CCDC178: variants seen among roughly 807,000 people sequenced by gnomAD.
CCDC178 encodes coiled-coil domain containing 178, also known as coiled-coil domain-containing protein 178.
Under a neutral mutation model 117.4 loss-of-function variants are expected in CCDC178, and 126 were observed. That is an observed-to-expected ratio of 1.07 (90% CI 0.93 to 1.24). The LOEUF is 1.24. Ranked by LOEUF, CCDC178 falls within the 50% of genes most tolerant of loss-of-function variation. The pLI, the probability that CCDC178 is intolerant of heterozygous loss-of-function variation, is 0.00. For missense variants in CCDC178, 1,030 were observed against 986.9 expected (o/e 1.04, Z -0.59); for synonymous variants, 283 against 313.4 (o/e 0.90, Z 1.02).
At chr18:33,011,532 C>T (rs926879956) in intron 21 of CCDC178, among the ~76,000 whole-genome samples, 4 of 151,802 alleles carry the variant, frequency 2.6e-5, no homozygotes, top group East Asian at 1.9e-4. Flanking sequence ...TCTCAGCATT[C>T]GCTCCCACAC....
intron 14 of CCDC178, among the ~76,000 whole-genome samples, chr18:33,266,348 G>T (rs1378107285): frequency 6.6e-6 from 1 of 151,704 alleles, no homozygotes; most frequent in Non-Finnish European, 1.5e-5. Context: ...CAAAATTGTA[G>T]TATATATAGG....
At chr18:33,287,861 G>C (rs898158095) in intron 12 of CCDC178, among the ~76,000 whole-genome samples, 1 of 152,122 alleles carries the variant, frequency 6.6e-6, no homozygotes, top group Non-Finnish European at 1.5e-5. Context: ...ATTCATTTTA[G>C]AGATGATCAA....
rs2063474279 is a variant in CCDC178, at chr18:33,384,648, T to C, written c.208+4892A>G. Among the ~76,000 whole-genome samples the C allele has an allele frequency of 2.6e-5, 4 of 152,134 alleles. No homozygotes were observed. In the South Asian group the frequency reaches 8.3e-4, roughly 32 times the overall value. On this transcript the variant is annotated intron_variant, in intron 5 of 22. Transcript: ENST00000383096. ...AGTGAAGGAGAAATAAAATCTTTTTTAGACAAGCAACTGCTGAGGAATTTT... is the reference window on the plus strand; with the variant it reads ...AGTGAAGGAGAAATAAAATCTTTTTCAGACAAGCAACTGCTGAGGAATTTT...
At chr18:33,358,549 T>C (rs1057071466) in intron 6 of CCDC178, among the ~76,000 whole-genome samples, 5 of 151,870 alleles carry the variant, frequency 3.3e-5, no homozygotes, top group African/African-American at 9.7e-5. Context: ...ATGACTGGAT[T>C]TGAAATAAAA....
intron 20 of CCDC178, among the ~76,000 whole-genome samples, chr18:33,127,585 G>A (rs796913789): frequency 1.2e-4 from 19 of 152,088 alleles, no homozygotes; most frequent in African/African-American, 4.3e-4. Context: ...ACAGGTACCT[G>A]CCACCGCGCC....
intron 21 of CCDC178, among the ~76,000 whole-genome samples, chr18:33,074,660 TG>T (rs1313639057): frequency 1.3e-5 from 2 of 152,238 alleles, no homozygotes; most frequent in East Asian, 3.9e-4. Context: ...CATGGTGTCA[TG>T]GCTAAGGGAG....
chr18:33,308,407 C>A (rs1006310853), intron 11 of CCDC178, among the ~76,000 whole-genome samples: 2 of 152,110 alleles, frequency 1.3e-5, no homozygotes, highest in African/African-American at 4.8e-5. Flanking sequence ...AATGCTTGTA[C>A]CCCCATTGTG....
chr18:33,067,429 T>A (rs1258042177), intron 21 of CCDC178, among the ~76,000 whole-genome samples: 1 of 144,162 alleles, frequency 6.9e-6, no homozygotes, highest in African/African-American at 2.9e-5. Flanking sequence ...AACAACCTAA[T>A]GATGAACCTG....
chr18:33,276,295 T>A (rs1286767152), intron 12 of CCDC178, among the ~76,000 whole-genome samples: 2 of 152,102 alleles, frequency 1.3e-5, no homozygotes. Context: ...TGAATTGCCA[T>A]AAACTGAAAT....
intron 12 of CCDC178, among the ~76,000 whole-genome samples, chr18:33,280,752 A>C (rs906566140): frequency 6.6e-6 from 1 of 152,222 alleles, no homozygotes; most frequent in South Asian, 2.1e-4. Context: ...GCACATATAC[A>C]TGATGGAATA....
At chr18:33,060,850 A>G (rs558469203) in intron 21 of CCDC178, among the ~76,000 whole-genome samples, 2 of 152,246 alleles carry the variant, frequency 1.3e-5, no homozygotes, top group South Asian at 4.1e-4. Context: ...ATAGCACTTA[A>G]TCAAAACAAG....
intron 11 of CCDC178, among the ~76,000 whole-genome samples, chr18:33,314,085 C>T (rs1480889738): frequency 2.0e-5 from 3 of 149,144 alleles, no homozygotes; most frequent in Non-Finnish European, 4.5e-5. Context: ...CCTGTAATCC[C>T]AGCTACTTGG....
At position 33,223,150 on chromosome 18, in the gene CCDC178, G is replaced by A. The variant is rs775027791; in HGVS notation, c.1888C>T (p.Arg630Ter). 1.2e-5 allele frequency: 19 copies of A among 1,603,832 alleles called. No individual in the cohort carries two copies. Among genetic ancestry groups the A allele is most frequent in the East Asian group, 4.5e-5 (2 of 44,522 alleles). Reference sequence around the variant, plus strand: ...TCAAGGGTTTTCTTCCCCTTTTTTCGTAATTTTTTCTTTACTTTTCCCACC... The same window carrying A: ...TCAAGGGTTTTCTTCCCCTTTTTTCATAATTTTTTCTTTACTTTTCCCACC... ...RKVGKVKKKL[R>*]KKGKKTLDAL... The change falls in exon 18 of 23, where the codon CGA (arginine) becomes TGA (stop). Residue 630 changes from arginine to a stop codon, truncating the protein, a stop_gained. Transcript: ENST00000383096. LOFTEE classifies it high-confidence loss of function.
At chr18:33,155,218 T>C (rs1009813751) in intron 20 of CCDC178, among the ~76,000 whole-genome samples, 1 of 151,988 alleles carries the variant, frequency 6.6e-6, no homozygotes, top group Non-Finnish European at 1.5e-5. Context: ...ATCGAGAAAA[T>C]CCTTAAATAT....
At chr18:33,421,920 T>C (rs117076550) in intron 2 of CCDC178, among the ~76,000 whole-genome samples, 1 of 152,138 alleles carries the variant, frequency 6.6e-6, no homozygotes, top group Non-Finnish European at 1.5e-5. Flanking sequence ...TTCCCACTTC[T>C]CTCTTTTGAA....
At chr18:33,194,876 CA>C (rs1394369896) in intron 20 of CCDC178, among the ~76,000 whole-genome samples, 2 of 100,016 alleles carry the variant, frequency 2.0e-5, no homozygotes, top group Non-Finnish European at 3.8e-5. Context: ...CCAGCCTAGG[CA>C]ATACAATGAG....
At chr18:33,425,987 T>A (rs546561322) in intron 2 of CCDC178, among the ~76,000 whole-genome samples, 1 of 152,266 alleles carries the variant, frequency 6.6e-6, no homozygotes, top group African/African-American at 2.4e-5. Context: ...GATAAGCAGT[T>A]TTTCAACAGA....
intron 9 of CCDC178, among the ~76,000 whole-genome samples, chr18:33,340,856 T>A (rs1006770099): frequency 6.6e-6 from 1 of 152,162 alleles, no homozygotes; most frequent in East Asian, 1.9e-4. Flanking sequence ...GGGGCCCTCA[T>A]AAAGAATCTC....
intron 21 of CCDC178, among the ~76,000 whole-genome samples, chr18:33,092,440 C>A (rs760502431): frequency 2.0e-5 from 3 of 151,858 alleles, no homozygotes; most frequent in African/African-American, 7.2e-5. Flanking sequence ...TGGGAAATCA[C>A]CCACTCTTAG....
Sources: allele counts gnomAD v4.1 joint callset (sites outside exome capture counted in the v4.1 genomes callset), GRCh38; gene constraint gnomAD v4.1.1; transcripts MANE v1.5; gene names NCBI Gene and HGNC (gene_info 2026-07-23, HGNC 2026-07-21).